The following GLRA3 variants were observed in gnomAD, a reference collection of about 807,000 sequenced individuals.
GLRA3 encodes the protein glycine receptor subunit alpha-3.
GLRA3 carries 44 observed loss-of-function variants against 60.4 expected under a neutral mutation model. That is an observed-to-expected ratio of 0.73 (90% confidence interval 0.57 to 0.94). The LOEUF is 0.94. Ranked by LOEUF, GLRA3 falls within the 40% of genes least tolerant of loss-of-function variation. The pLI, the probability that GLRA3 is intolerant of heterozygous loss-of-function variation, is 0.00. For synonymous variants in GLRA3, 223 were observed against 192.9 expected (o/e 1.16, Z -1.29); for missense variants, 508 against 564.6 (o/e 0.90, Z 1.02).
intron 5 of GLRA3, among the ~76,000 whole-genome samples, chr4:174,693,206 G>A (rs1168970656): frequency 6.6e-6 from 1 of 152,022 alleles, no homozygotes; most frequent in African/African-American, 2.4e-5. Context: ...AATTGCTTTT[G>A]GTGTCTTTAT....
chr4:174,792,653 C>T (rs1010354173), intron 1 of GLRA3, among the ~76,000 whole-genome samples: 1 of 152,194 alleles, frequency 6.6e-6, no homozygotes, highest in Non-Finnish European at 1.5e-5. Flanking sequence ...TGTGTGCCCA[C>T]ACTATTACTG....
intron 9 of GLRA3, among the ~76,000 whole-genome samples, chr4:174,649,593 T>C (rs1432197972): frequency 1.3e-5 from 2 of 152,080 alleles, no homozygotes; most frequent in Non-Finnish European, 2.9e-5. Flanking sequence ...GGGGTGGTAG[T>C]TTTCATTAAT....
At position 174,795,302 on chromosome 4, in the gene GLRA3, A is replaced by C. The variant is rs1342885572; in HGVS notation, c.72-6359T>G. Among the ~76,000 whole-genome samples the C allele has an allele frequency of 5.3e-5, 8 of 152,166 alleles. No homozygotes were observed. The East Asian group carries it at 1.5e-3, about 29-fold the overall frequency. On this transcript the variant is annotated intron_variant, in intron 1 of 9. Coordinates refer to ENST00000274093, the MANE Select transcript of GLRA3 (RefSeq NM_006529.4). ...TACTAAAATTATCTGCTTTCTCTGA[A>C]AACAGTTATATATTTTATAGTCAAA...
chr4:174,767,123 TACACAC>T (rs10551381), intron 2 of GLRA3, 93 bp from the exon 3 acceptor site: 7,609 of 464,820 alleles, frequency 0.016, 2 homozygotes, highest in Non-Finnish European at 0.019. Context: ...TATTCCATTT[TACACAC>T]ACACACACAC....
At chr4:174,828,019 T>C (rs1360009768) in intron 1 of GLRA3, among the ~76,000 whole-genome samples, 1 of 152,132 alleles carries the variant, frequency 6.6e-6, no homozygotes, top group Non-Finnish European at 1.5e-5. Flanking sequence ...AATTATCTGA[T>C]CCTTTGTCTA....
chr4:174,690,740 A>G (rs757994691), intron 5 of GLRA3, among the ~76,000 whole-genome samples: 29 of 152,178 alleles, frequency 1.9e-4, no homozygotes, highest in Non-Finnish European at 4.4e-5. Flanking sequence ...GTTCCCACTT[A>G]TAAGTGAGAA....
chr4:174,752,847 C>T (rs1737542127), intron 3 of GLRA3, among the ~76,000 whole-genome samples: 1 of 151,880 alleles, frequency 6.6e-6, no homozygotes, highest in Non-Finnish European at 1.5e-5. Context: ...GATTATTTGT[C>T]TTATGCTTTA....
chr4:174,649,133 A>G (rs756545778), intron 9 of GLRA3, among the ~76,000 whole-genome samples: 3 of 152,150 alleles, frequency 2.0e-5, no homozygotes, highest in Non-Finnish European at 2.9e-5. Flanking sequence ...ATGGGGCTCT[A>G]TGGCTGTGCT....
intron 3 of GLRA3, among the ~76,000 whole-genome samples, chr4:174,758,952 C>T (rs1235508227): frequency 6.6e-6 from 1 of 151,956 alleles, no homozygotes; most frequent in African/African-American, 2.4e-5. Context: ...GCACTTAATA[C>T]CTATTTTATG....
At chr4:174,740,340 G>C (rs1736969650) in intron 3 of GLRA3, among the ~76,000 whole-genome samples, 1 of 152,102 alleles carries the variant, frequency 6.6e-6, no homozygotes, top group Admixed American at 6.5e-5. Flanking sequence ...CATGTCAGAA[G>C]TTAGAAACCC....
intron 3 of GLRA3, among the ~76,000 whole-genome samples, chr4:174,744,096 G>GTGC (rs1737133171): frequency 6.6e-6 from 1 of 152,204 alleles, no homozygotes; most frequent in South Asian, 2.1e-4. Flanking sequence ...TGGTGCTGTG[G>GTGC]TGCTGCAGCC....
At chr4:174,780,002 A>G (rs1379695058) in intron 2 of GLRA3, among the ~76,000 whole-genome samples, 24 of 143,826 alleles carry the variant, frequency 1.7e-4, no homozygotes, top group African/African-American at 6.1e-4. Context: ...ACTCCAAGAC[A>G]CATAATTGTC....
chr4:174,764,550 CCG>C (rs1317722914), intron 3 of GLRA3, among the ~76,000 whole-genome samples: 1 of 83,256 alleles, frequency 1.2e-5, no homozygotes, highest in Non-Finnish European at 2.7e-5. Flanking sequence ...GCGACAGACT[CCG>C]TCTCAAAAAA....
intron 3 of GLRA3, among the ~76,000 whole-genome samples, chr4:174,751,835 A>G (rs748435979): frequency 2.6e-4 from 39 of 152,088 alleles, no homozygotes; most frequent in Non-Finnish European, 5.0e-4. Flanking sequence ...TTTATGTATA[A>G]TTCAGAGATA....
chr4:174,706,878 A>G (rs944126604), intron 5 of GLRA3, among the ~76,000 whole-genome samples: 5 of 152,172 alleles, frequency 3.3e-5, no homozygotes, highest in African/African-American at 1.2e-4. Context: ...AAATCCATAC[A>G]ATTCCAGAAT....
rs1579375638 is a variant in GLRA3, at chr4:174,642,811, C to A, written c.*975G>T. ...AAATGGTTTTTATTAAAAAATCTTC[C>A]ATGAATCCATTTTGTTTTCATTGTA... On this transcript the variant is annotated 3_prime_UTR_variant, in exon 10 of 10. Coordinates refer to ENST00000274093, the MANE Select transcript of GLRA3 (RefSeq NM_006529.4). The A allele has an allele frequency of 1.0e-5, 8 of 802,232 alleles. No homozygotes were observed. Among genetic ancestry groups the A allele is most frequent in the Non-Finnish European group, 1.2e-5 (8 of 663,254 alleles). 49.7% of individuals were successfully genotyped at this position (802,232 alleles called of 1,614,324 possible).
At chr4:174,661,816 G>A (rs1029398325) in intron 7 of GLRA3, among the ~76,000 whole-genome samples, 1 of 152,086 alleles carries the variant, frequency 6.6e-6, no homozygotes, top group Non-Finnish European at 1.5e-5. Flanking sequence ...AAAGGGAAGG[G>A]AAGAACAAGA....
intron 7 of GLRA3, among the ~76,000 whole-genome samples, chr4:174,673,798 C>A (rs1454699286): frequency 6.6e-6 from 1 of 152,068 alleles, no homozygotes. Flanking sequence ...TTGTAAATGT[C>A]TCCAAGTTAA....
chr4:174,719,388 T>C (rs1417878770), intron 4 of GLRA3, among the ~76,000 whole-genome samples: 1 of 152,200 alleles, frequency 6.6e-6, no homozygotes, highest in Non-Finnish European at 1.5e-5. Flanking sequence ...AATGATATAT[T>C]GCATGCACAT....
Sources: allele counts gnomAD v4.1 joint callset (sites outside exome capture counted in the v4.1 genomes callset), GRCh38; gene constraint gnomAD v4.1.1; transcripts MANE v1.5; gene names NCBI Gene and HGNC (gene_info 2026-07-23, HGNC 2026-07-21).